The following MYRIP variants were observed in gnomAD, a reference collection of about 807,000 sequenced individuals.
MYRIP encodes the protein myosin VIIA and Rab interacting protein.
A neutral mutation model predicts 98.0 loss-of-function variants in MYRIP; 49 were observed. The ratio of observed to expected loss-of-function variants is 0.50; its 90% CI spans 0.40 to 0.63. The LOEUF is 0.63. Among genes scored for constraint, MYRIP ranks in the 30% least tolerant of loss-of-function variants. MYRIP has a pLI of 0.00. For missense variants in MYRIP, 1,004 were observed against 1,058.2 expected, an observed-to-expected ratio of 0.95 and a Z score of 0.71; for synonymous variants, 404 against 409.5, an observed-to-expected ratio of 0.99 and a Z score of 0.16.
intron 3 of MYRIP, among the ~76,000 whole-genome samples, chr3:40,132,378 G>A (rs1403279524): frequency 6.6e-6 from 1 of 152,026 alleles, no homozygotes; most frequent in Non-Finnish European, 1.5e-5. Flanking sequence ...CAGCAGATAA[G>A]CCTGTAGCTG....
intron 11 of MYRIP, among the ~76,000 whole-genome samples, chr3:40,214,273 G>C (rs9820633): frequency 0.053 from 8,073 of 152,276 alleles, 688 homozygotes; most frequent in African/African-American, 0.18. Context: ...GCCTCACACA[G>C]AGGGGGAGCT....
At chr3:40,204,080 TA>T (rs367743513) in intron 10 of MYRIP, among the ~76,000 whole-genome samples, 9,981 of 13,508 alleles carry the variant, frequency 0.74, 4,152 homozygotes, top group Non-Finnish European at 0.88. Context: ...TTATATAATA[TA>T]TTTATATATT....
In MYRIP at chr3:40,180,245, C is replaced by G. The variant is rs374098821; in HGVS notation, c.874-1975C>G. Among the ~76,000 whole-genome samples, 13 of 151,820 alleles carry G rather than the reference C, an allele frequency of 8.6e-5. No individual in the cohort carries two copies. In the East Asian group the frequency reaches 2.3e-3, roughly 27 times the overall value. ...ACAGTGGGATCCTTTTTATTTCTTTCTCTTACTCCATAATTTTGTGTAAGA... is the reference window on the plus strand; with the variant it reads ...ACAGTGGGATCCTTTTTATTTCTTTGTCTTACTCCATAATTTTGTGTAAGA... On this transcript the variant is annotated intron_variant, in intron 8 of 16. Coordinates refer to ENST00000302541, the MANE Select transcript of MYRIP (RefSeq NM_015460.4).
At chr3:40,086,506 G>A (rs768609382) in intron 3 of MYRIP, among the ~76,000 whole-genome samples, 1 of 152,222 alleles carries the variant, frequency 6.6e-6, no homozygotes, top group Non-Finnish European at 1.5e-5. Flanking sequence ...CCAGGTGAGA[G>A]CCACCAGGGC....
chr3:40,221,674 A>C lies in MYRIP; in HGVS notation c.1905+11581A>C, dbSNP rs764884291. Among the ~76,000 whole-genome samples, 4 of 152,220 alleles carry C rather than the reference A, an allele frequency of 2.6e-5. No homozygotes were observed. In the East Asian group the frequency reaches 7.7e-4, roughly 29 times the overall value. On this transcript the variant is annotated intron_variant, in intron 11 of 16. Coordinates refer to ENST00000302541, the MANE Select transcript of MYRIP (RefSeq NM_015460.4). Reference sequence around the variant, plus strand: ...CATTTAGTGTTGGTAAGGGTTCAGGAAAACAGGCAGCCTGCCACCATAAAA... The same window carrying C: ...CATTTAGTGTTGGTAAGGGTTCAGGCAAACAGGCAGCCTGCCACCATAAAA...
intron 10 of MYRIP, among the ~76,000 whole-genome samples, chr3:40,197,136 C>T (rs897988479): frequency 1.3e-5 from 2 of 152,138 alleles, no homozygotes; most frequent in African/African-American, 2.4e-5. Context: ...GGGATGGTTT[C>T]GGGATGAAAC....
intron 3 of MYRIP, among the ~76,000 whole-genome samples, chr3:40,139,372 A>C (rs1222944129): frequency 6.6e-6 from 1 of 152,046 alleles, no homozygotes; most frequent in East Asian, 1.9e-4. Context: ...AACATTTCCA[A>C]CTTCTTGAGA....
Position 39,885,789 on chromosome 3 carries a change from T to C in MYRIP, c.-30-14998T>C, listed in dbSNP as rs148393735. Among the ~76,000 whole-genome samples the C allele has an allele frequency of 9.4e-3, 1,423 of 152,140 alleles. 28 individuals are homozygous for C. Among genetic ancestry groups the C allele is most frequent in the African/African-American group, 0.032 (1,346 of 41,470 alleles). On this transcript the variant is annotated intron_variant, in intron 1 of 16. Coordinates refer to ENST00000302541, the MANE Select transcript of MYRIP (RefSeq NM_015460.4). ...TACCCTATCTTCCAGTTGATCGCAT[T>C]GGCTCCTGAGGCTTCTACATTCTTC...
At chr3:40,218,610 T>TATATATATATATA (rs59924117) in intron 11 of MYRIP, among the ~76,000 whole-genome samples, 2 of 5,974 alleles carry the variant, frequency 3.3e-4, no homozygotes, top group African/African-American at 4.7e-4. Flanking sequence ...TATATATATA[T>TATATATATATATA]TTTATATATA....
intron 9 of MYRIP, among the ~76,000 whole-genome samples, chr3:40,188,777 C>CA (rs11374253): frequency 0.75 from 112,741 of 149,576 alleles, 45,447 homozygotes; most frequent in Non-Finnish European, 0.89. Context: ...AACTCTGTCT[C>CA]AAAAAAAAAA....
At chr3:40,055,848 A>G (rs192104564) in intron 3 of MYRIP, among the ~76,000 whole-genome samples, 1 of 152,286 alleles carries the variant, frequency 6.6e-6, no homozygotes, top group East Asian at 1.9e-4. Context: ...GAGCCCCACA[A>G]TAGATTCCAA....
At chr3:39,832,940 G>A (rs913646114) in intron 1 of MYRIP, among the ~76,000 whole-genome samples, 2 of 152,182 alleles carry the variant, frequency 1.3e-5, no homozygotes, top group Non-Finnish European at 2.9e-5. Context: ...GCACAAAAAT[G>A]TTTATCATAG....
intron 2 of MYRIP, among the ~76,000 whole-genome samples, chr3:39,960,925 A>G: frequency 6.6e-6 from 1 of 152,154 alleles, no homozygotes; most frequent in East Asian, 1.9e-4. Flanking sequence ...TGCAGACAGG[A>G]ACCTCATGGT....
chr3:39,983,773 G>T (rs550781249), intron 2 of MYRIP, among the ~76,000 whole-genome samples: 1 of 152,050 alleles, frequency 6.6e-6, no homozygotes, highest in East Asian at 1.9e-4. Context: ...TAGTAGGGAC[G>T]CATTCTTTAT....
intron 10 of MYRIP, among the ~76,000 whole-genome samples, chr3:40,202,413 T>A (rs1055140519): frequency 6.6e-6 from 1 of 152,100 alleles, no homozygotes; most frequent in African/African-American, 2.4e-5. Flanking sequence ...TTAATTACGG[T>A]AGGCTGGATT....
At chr3:40,203,960 TATAC>T (rs1340275573) in intron 10 of MYRIP, among the ~76,000 whole-genome samples, 2 of 20,030 alleles carry the variant, frequency 1.0e-4, no homozygotes, top group Admixed American at 1.8e-3. Context: ...TTATATATTA[TATAC>T]ATTATATATA....
chr3:40,192,309 C>CATAT (rs763879430), intron 10 of MYRIP, among the ~76,000 whole-genome samples: 1 of 57,954 alleles, frequency 1.7e-5, no homozygotes, highest in Non-Finnish European at 2.8e-5. Flanking sequence ...TAGTTTTCTT[C>CATAT]ATATATATAT....
At chr3:40,047,504 C>A (rs936177186) in intron 3 of MYRIP, among the ~76,000 whole-genome samples, 1 of 152,174 alleles carries the variant, frequency 6.6e-6, no homozygotes, top group East Asian at 1.9e-4. Flanking sequence ...ACAGAACACA[C>A]CCACACTTGT....
chr3:39,852,194 G>C (rs1942149883), intron 1 of MYRIP, among the ~76,000 whole-genome samples: 1 of 152,162 alleles, frequency 6.6e-6, no homozygotes, highest in South Asian at 2.1e-4. Context: ...AGCATAGCCA[G>C]CAGCCCTTCC....
Sources: gnomAD v4.1 joint callset for allele counts (sites outside exome capture counted in the v4.1 genomes callset) on GRCh38, gnomAD v4.1.1 for gene constraint, MANE v1.5 for transcripts, NCBI Gene and HGNC (gene_info 2026-07-23, HGNC 2026-07-21) for gene names.